The following TAFA2 variants were observed in gnomAD, a reference collection of about 807,000 sequenced individuals.
The protein encoded by TAFA2 is chemokine-like protein TAFA-2.
A neutral mutation model predicts 18.8 loss-of-function variants in TAFA2; 7 were observed. The ratio of observed to expected loss-of-function variants is 0.37; its 90% CI spans 0.21 to 0.70. The LOEUF (loss-of-function observed/expected upper bound fraction) is 0.70, where lower values mean the gene tolerates loss of function less well. Among genes scored for constraint, TAFA2 ranks in the 30% least tolerant of loss-of-function variants. The pLI, the probability that TAFA2 is intolerant of heterozygous loss-of-function variation, is 0.53. For missense variants in TAFA2, 122 were observed against 158.1 expected (o/e 0.77, Z 1.23); for synonymous variants, 60 against 54.2 (o/e 1.11, Z -0.47).
At chr12:62,105,201 G>A (rs556319299) in intron 1 of TAFA2, among the ~76,000 whole-genome samples, 1 of 151,920 alleles carries the variant, frequency 6.6e-6, no homozygotes, top group Admixed American at 6.5e-5. Context: ...CCCCAGAAGA[G>A]AAAATCAAAA....
At chr12:61,854,533 A>G (rs1381274459) in intron 2 of TAFA2, among the ~76,000 whole-genome samples, 3 of 152,054 alleles carry the variant, frequency 2.0e-5, no homozygotes, top group Admixed American at 2.0e-4. Flanking sequence ...ATCTTCACCA[A>G]GATATACATC....
At chr12:62,027,904 A>T (rs769042234) in intron 1 of TAFA2, among the ~76,000 whole-genome samples, 33 of 152,136 alleles carry the variant, frequency 2.2e-4, no homozygotes, top group Non-Finnish European at 4.6e-4. Flanking sequence ...GAACCACAAG[A>T]TTAGCTCCAG....
At chr12:62,217,507 G>A (rs2062740543) in intron 1 of TAFA2, among the ~76,000 whole-genome samples, 1 of 152,230 alleles carries the variant, frequency 6.6e-6, no homozygotes, top group Non-Finnish European at 1.5e-5. Flanking sequence ...TTATGAGGTA[G>A]GTTCTCCCAG....
upstream of TAFA2, among the ~76,000 whole-genome samples, chr12:62,195,888 G>A (rs563629170): frequency 1.8e-4 from 28 of 152,244 alleles, 1 homozygote; most frequent in African/African-American, 6.0e-4. Flanking sequence ...TTGAAGCTTC[G>A]AAGCCAGGCA....
At chr12:62,163,702 C>G (rs2062420810) in intron 1 of TAFA2, among the ~76,000 whole-genome samples, 1 of 152,082 alleles carries the variant, frequency 6.6e-6, no homozygotes, top group African/African-American at 2.4e-5. Flanking sequence ...TATTCCAAGA[C>G]AGATGCTTTT....
intron 1 of TAFA2, among the ~76,000 whole-genome samples, chr12:62,105,966 G>A (rs1431749565): frequency 6.6e-6 from 1 of 152,152 alleles, no homozygotes; most frequent in Non-Finnish European, 1.5e-5. Context: ...ATGAAAAATA[G>A]GTGCACTCTT....
chr12:61,738,631 T>C (rs910311500), intron 4 of TAFA2, among the ~76,000 whole-genome samples: 22 of 152,058 alleles, frequency 1.4e-4, no homozygotes, highest in Admixed American at 1.2e-3. Context: ...TTTACAATTG[T>C]GTAGTCCAAC....
Position 62,102,683 on chromosome 12 carries a change from C to G in TAFA2, c.-2+88576G>C, listed in dbSNP as rs181809137. Among the ~76,000 whole-genome samples the G allele has an allele frequency of 7.9e-5, 12 of 152,294 alleles. No individual in the cohort carries two copies. In the East Asian group the frequency reaches 2.3e-3, roughly 29 times the overall value. On this transcript the variant is annotated intron_variant, in intron 1 of 4. Transcript: ENST00000416284. Reference sequence around the variant, plus strand: ...AGAACTCCAGAGCTACCTCCTAAATCTGAACAATTCCTGTATTATGATACA... The same window carrying G: ...AGAACTCCAGAGCTACCTCCTAAATGTGAACAATTCCTGTATTATGATACA...
At chr12:62,258,855 G>A, upstream of TAFA2, 1 of 231,368 alleles carries the variant, frequency 4.3e-6, no homozygotes. Flanking sequence ...GGAAAAAGGG[G>A]GAAAATGTGA....
At chr12:62,255,186 G>C (rs531606449) in intron 1 of TAFA2, 1 of 152,264 alleles carries the variant, frequency 6.6e-6, no homozygotes, top group South Asian at 2.1e-4. Context: ...ATTTAAAAAT[G>C]ATCAGCATAT....
chr12:61,741,191 T>A (rs2120700062), intron 4 of TAFA2, among the ~76,000 whole-genome samples: 1 of 152,110 alleles, frequency 6.6e-6, no homozygotes, highest in African/African-American at 2.4e-5. Flanking sequence ...TATTTTCAAT[T>A]TAATTAGAGT....
intron 4 of TAFA2, among the ~76,000 whole-genome samples, chr12:61,720,002 C>G (rs958022423): frequency 2.6e-5 from 4 of 152,026 alleles, no homozygotes; most frequent in Non-Finnish European, 4.4e-5. Flanking sequence ...TAGGGCAACA[C>G]AGATGGCGAT....
chr12:61,747,379 G>T (rs1172104002), intron 4 of TAFA2, among the ~76,000 whole-genome samples: 1 of 146,044 alleles, frequency 6.8e-6, no homozygotes, highest in African/African-American at 2.6e-5. Flanking sequence ...ATACCCAAAG[G>T]ATTATAAATC....
chr12:61,925,963 T>C (rs1049130547), intron 1 of TAFA2, among the ~76,000 whole-genome samples: 3 of 151,478 alleles, frequency 2.0e-5, no homozygotes, highest in African/African-American at 7.3e-5. Flanking sequence ...GCCAGACTAA[T>C]AAAGAAGAAA....
intron 2 of TAFA2, among the ~76,000 whole-genome samples, chr12:61,792,495 T>A (rs1871022254): frequency 6.6e-6 from 1 of 151,546 alleles, no homozygotes; most frequent in Non-Finnish European, 1.5e-5. Flanking sequence ...TTGAAACATA[T>A]CATTGTGCCC....
chr12:61,820,892 C>A (rs1872292957), intron 2 of TAFA2, among the ~76,000 whole-genome samples: 1 of 151,852 alleles, frequency 6.6e-6, no homozygotes, highest in African/African-American at 2.4e-5. Context: ...TATGGAGATT[C>A]TTATTCTTTG....
chr12:62,004,824 T>C (rs1880493660), intron 1 of TAFA2, among the ~76,000 whole-genome samples: 2 of 152,210 alleles, frequency 1.3e-5, no homozygotes, highest in East Asian at 1.9e-4. Flanking sequence ...GTGGTACAGA[T>C]ACATAGTAGA....
chr12:62,044,339 A>G (rs560474448), intron 1 of TAFA2, among the ~76,000 whole-genome samples: 1 of 152,212 alleles, frequency 6.6e-6, no homozygotes, highest in African/African-American at 2.4e-5. Context: ...AGAGTAACAA[A>G]AAGTCTATAA....
chr12:61,918,035 G>T (rs772984101), intron 1 of TAFA2, among the ~76,000 whole-genome samples: 6 of 151,848 alleles, frequency 4.0e-5, no homozygotes, highest in Non-Finnish European at 7.4e-5. Flanking sequence ...ATTTGTCTGG[G>T]TACATAGTGG....
Sources: gnomAD v4.1 joint callset for allele counts (sites outside exome capture counted in the v4.1 genomes callset) on GRCh38, gnomAD v4.1.1 for gene constraint, MANE v1.5 for transcripts, NCBI Gene and HGNC (gene_info 2026-07-23, HGNC 2026-07-21) for gene names.